Variants in FMNL2 observed in about 807,000 individuals in gnomAD.
FMNL2 encodes the protein formin like 2.
FMNL2 carries 51 observed loss-of-function variants against 130.2 expected under a neutral mutation model. The observed-to-expected ratio is 0.39, with a 90% CI of 0.31 to 0.49. FMNL2 has a LOEUF of 0.49. FMNL2 is among the 20% of genes least tolerant of loss of function. FMNL2 has a pLI of 0.85. For synonymous variants in FMNL2, 465 were observed against 467.1 expected (o/e 1.00, Z 0.06); for missense variants, 977 against 1,316.2 (o/e 0.74, Z 3.99).
At chr2:152,595,945 A>C (rs1048882177) in intron 9 of FMNL2, among the ~76,000 whole-genome samples, 1 of 151,076 alleles carries the variant, frequency 6.6e-6, no homozygotes, top group Non-Finnish European at 1.5e-5. Context: ...TATTAAACAG[A>C]AGAATTGCAA....
intron 1 of FMNL2, among the ~76,000 whole-genome samples, chr2:152,367,109 T>C (rs1683604349): frequency 6.7e-6 from 1 of 149,962 alleles, no homozygotes; most frequent in Non-Finnish European, 1.5e-5. Flanking sequence ...GGGGTCTTGC[T>C]CTGTCTCACA....
chr2:152,594,557 T>G (rs1311143095), intron 9 of FMNL2, among the ~76,000 whole-genome samples: 1 of 151,988 alleles, frequency 6.6e-6, no homozygotes, highest in East Asian at 2.0e-4. Flanking sequence ...GCTGTTTCCC[T>G]AGACTGAGAG....
chr2:152,483,421 G>C (rs894084794), intron 1 of FMNL2, among the ~76,000 whole-genome samples: 3 of 152,044 alleles, frequency 2.0e-5, no homozygotes, highest in Non-Finnish European at 4.4e-5. Context: ...TTTTCCTTGT[G>C]TATTCAAGAG....
intron 1 of FMNL2, among the ~76,000 whole-genome samples, chr2:152,506,274 T>C (rs1164097246): frequency 6.6e-6 from 1 of 152,216 alleles, no homozygotes; most frequent in Admixed American, 6.5e-5. Context: ...TATTTTAGAA[T>C]ATGGTCTTTC....
At chr2:152,558,268 G>A (rs563850625) in intron 4 of FMNL2, among the ~76,000 whole-genome samples, 1 of 152,284 alleles carries the variant, frequency 6.6e-6, no homozygotes, top group South Asian at 2.1e-4. Context: ...TCATTGGCTA[G>A]TTTAGTGGTT....
intron 1 of FMNL2, among the ~76,000 whole-genome samples, chr2:152,514,491 C>T (rs1692652686): frequency 6.6e-6 from 1 of 152,148 alleles, no homozygotes; most frequent in Non-Finnish European, 1.5e-5. Context: ...TATCATTTAA[C>T]ATACTGAGTA....
At chr2:152,342,175 T>G (rs1259222657) in intron 1 of FMNL2, among the ~76,000 whole-genome samples, 1 of 152,216 alleles carries the variant, frequency 6.6e-6, no homozygotes, top group Non-Finnish European at 1.5e-5. Flanking sequence ...ACAGTGCTCT[T>G]CTTTTTCATA....
Position 152,349,137 on chromosome 2 carries a change from T to G in FMNL2, c.117+13417T>G, listed in dbSNP as rs191567944. 2.0e-5 allele frequency among the ~76,000 whole-genome samples: 3 copies of G among 152,254 alleles called. 1 individual carries two copies. Among genetic ancestry groups the G allele is most frequent in the African/African-American group, 7.2e-5 (3 of 41,558 alleles). ...GGCGTGAGCCACCGCGCCCGGCCAC[T>G]TCTAAGGGTTTTAAATAAATGAGAC... On this transcript the variant is annotated intron_variant, in intron 1 of 25. Transcript: ENST00000288670.
chr2:152,450,345 C>T (rs144842148), intron 1 of FMNL2, among the ~76,000 whole-genome samples: 1 of 152,248 alleles, frequency 6.6e-6, no homozygotes, highest in African/African-American at 2.4e-5. Flanking sequence ...GAAGTGAGGA[C>T]AGAGCCAGCT....
At chr2:152,372,407 C>T (rs1275906032) in intron 1 of FMNL2, among the ~76,000 whole-genome samples, 2 of 152,200 alleles carry the variant, frequency 1.3e-5, no homozygotes, top group Non-Finnish European at 2.9e-5. Flanking sequence ...GCACAGCATG[C>T]ACCATAGGTG....
chr2:152,534,881 G>T (rs941045915), intron 2 of FMNL2, among the ~76,000 whole-genome samples: 2 of 152,154 alleles, frequency 1.3e-5, no homozygotes, highest in African/African-American at 4.8e-5. Context: ...GAGCTGTAAT[G>T]GAACACTTGG....
intron 15 of FMNL2, chr2:152,621,127 G>A (rs1580117964): frequency 9.1e-6 from 9 of 985,366 alleles, no homozygotes; most frequent in Middle Eastern, 5.2e-4. Context: ...TTATCGTCCC[G>A]TGCACCTGGC....
At chr2:152,554,828 A>C (rs181867743) in intron 4 of FMNL2, among the ~76,000 whole-genome samples, 1 of 152,208 alleles carries the variant, frequency 6.6e-6, no homozygotes. Flanking sequence ...TTGACATTCC[A>C]TGAAAAAATG....
intron 1 of FMNL2, among the ~76,000 whole-genome samples, chr2:152,497,253 T>G (rs930357062): frequency 6.6e-5 from 10 of 152,218 alleles, no homozygotes; most frequent in African/African-American, 9.6e-5. Context: ...CATAGTAGTT[T>G]TCAGAATGCT....
intron 1 of FMNL2, among the ~76,000 whole-genome samples, chr2:152,355,570 A>G (rs932457445): frequency 2.0e-5 from 3 of 152,214 alleles, no homozygotes; most frequent in Non-Finnish European, 4.4e-5. Flanking sequence ...AGAAACTCCC[A>G]TGAAGTTCAA....
At chr2:152,618,653 A>C (rs1699075929) in intron 13 of FMNL2, among the ~76,000 whole-genome samples, 193 bp from the exon 14 acceptor site, 1 of 152,242 alleles carries the variant, frequency 6.6e-6, no homozygotes, top group South Asian at 2.1e-4. Flanking sequence ...CAACAACAAT[A>C]GCTAGAATAT....
chr2:152,542,267 T>C (rs1182000786), intron 2 of FMNL2, among the ~76,000 whole-genome samples: 1 of 152,218 alleles, frequency 6.6e-6, no homozygotes, highest in East Asian at 1.9e-4. Flanking sequence ...CTTTATCAGT[T>C]TGAGTCAAAT....
rs556807356 is a variant in FMNL2, at chr2:152,500,985, C to T, written c.118-20958C>T. ...GTCCCTGACCGAGGCAGGCGCCACT[C>T]GGCTTTAGCCCATACTGGCAAGGCA... On this transcript the variant is annotated intron_variant, in intron 1 of 25. Transcript: ENST00000288670. Among the ~76,000 whole-genome samples the T allele has an allele frequency of 7.2e-5, 11 of 152,374 alleles. No homozygotes were observed. In the East Asian group the frequency reaches 1.9e-3, roughly 27 times the overall value.
intron 1 of FMNL2, among the ~76,000 whole-genome samples, chr2:152,388,039 A>T (rs988871144): frequency 4.6e-5 from 7 of 152,190 alleles, no homozygotes; most frequent in African/African-American, 7.2e-5. Context: ...AATAAGAATT[A>T]GGAAGATTCT....
Sources: allele counts gnomAD v4.1 joint callset (sites outside exome capture counted in the v4.1 genomes callset), GRCh38; gene constraint gnomAD v4.1.1; transcripts MANE v1.5; gene names NCBI Gene and HGNC (gene_info 2026-07-23, HGNC 2026-07-21).